STIL: variants seen among roughly 807,000 people sequenced by gnomAD.
The protein encoded by STIL is STIL centriolar assembly protein.
In STIL, 55 loss-of-function variants were observed where a neutral mutation model predicts 110.1. That is an observed-to-expected ratio of 0.50 (90% CI 0.40 to 0.63). The LOEUF is 0.63. Ranked by LOEUF, STIL falls within the 20% of genes least tolerant of loss-of-function variation. The pLI is 0.00. For synonymous variants in STIL, 481 were observed against 530.0 expected (o/e 0.91, Z 1.27); for missense variants, 1,358 against 1,530.0 (o/e 0.89, Z 1.87).
In STIL at chr1:47,266,025, C is replaced by T. The variant is rs148031644; in HGVS notation, c.2616-2909G>A. On this transcript the variant is annotated intron_variant, in intron 14 of 16. Coordinates refer to ENST00000371877, the MANE Select transcript of STIL (RefSeq NM_001048166.1). ...ACAAGCAATCGGTTCACTTTGGCCT[C>T]CCAAAGTGCTAAGATTACAGGCATG... is the stretch of plus-strand genomic sequence containing the variant. Among the ~76,000 whole-genome samples, 703 of 152,082 alleles carry T rather than the reference C, an allele frequency of 4.6e-3. 6 individuals are homozygous for T. Among genetic ancestry groups the T allele is most frequent in the African/African-American group, 0.016 (653 of 41,496 alleles).
chr1:47,307,692 A>G (rs1276994171), intron 2 of STIL, among the ~76,000 whole-genome samples: 1 of 152,260 alleles, frequency 6.6e-6, no homozygotes, highest in Admixed American at 6.5e-5. Flanking sequence ...GCAATTGTTC[A>G]GGGAATAAGA....
intron 1 of STIL, among the ~76,000 whole-genome samples, chr1:47,312,013 T>A (rs934165128): frequency 1.3e-5 from 2 of 152,104 alleles, no homozygotes; most frequent in African/African-American, 4.8e-5. Context: ...CCCACTGCAC[T>A]CCAGCCTGGG....
Position 47,287,733 on chromosome 1 carries a change from G to A in STIL, c.1024-73C>T, listed in dbSNP as rs12125261. The A allele has an allele frequency of 0.47, 565,194 of 1,207,550 alleles. 140,867 individuals carry two copies. The highest frequency in any genetic ancestry group is 0.5 in the Non-Finnish European group (413,182 of 822,738). The allele number at this position is 1,207,550 out of a possible 1,614,324, so 74.8% of individuals were successfully genotyped here. On this transcript the variant is annotated intron_variant, in intron 9 of 16. Transcript: ENST00000371877. ...CCAGAGAATTCTATTTAGATGAAAAGTAGCTCTGAAACACTAGATGATGGA... is the reference window on the plus strand; with the variant it reads ...CCAGAGAATTCTATTTAGATGAAAAATAGCTCTGAAACACTAGATGATGGA...
Position 47,280,904 on chromosome 1 carries a change from G to C in STIL, c.1554C>G (p.Thr518=), listed in dbSNP as rs976856348. 1 of 1,614,050 alleles carries C rather than the reference G, an allele frequency of 6.2e-7. No homozygotes were observed. Among genetic ancestry groups the C allele is most frequent in the African/African-American group, 1.3e-5 (1 of 74,922 alleles). Residue 518 remains threonine (T), a synonymous_variant, in exon 12 of 17, where the codon ACC becomes ACG. Coordinates refer to ENST00000371877, the MANE Select transcript of STIL (RefSeq NM_001048166.1). Reference sequence around the variant, plus strand: ...GAGAAGATGGTTTAATACTGTTCCTGGTATGGGGGTTCCCTTTCTTATAGG... The same window carrying C: ...GAGAAGATGGTTTAATACTGTTCCTCGTATGGGGGTTCCCTTTCTTATAGG... ...PPAYKKGNPH[T]RNSIKPSSHN...
At chr1:47,308,465 A>C (rs930648818) in intron 2 of STIL, among the ~76,000 whole-genome samples, 1 of 152,106 alleles carries the variant, frequency 6.6e-6, no homozygotes, top group African/African-American at 2.4e-5. Context: ...TTGCAACAAC[A>C]TGGTTAGAAC....
intron 9 of STIL, among the ~76,000 whole-genome samples, chr1:47,288,894 A>C (rs1645386723): frequency 1.1e-4 from 4 of 35,332 alleles, no homozygotes; most frequent in Admixed American, 1.0e-3. Context: ...TGAAAATACA[A>C]AAAAAAAAAA....
intron 16 of STIL, among the ~76,000 whole-genome samples, chr1:47,254,340 T>C (rs1424871899): frequency 3.3e-5 from 5 of 152,114 alleles, no homozygotes. Context: ...TTTAATAAGA[T>C]GAAAGAGATA....
At chr1:47,261,941 C>T (rs1570041836) in intron 15 of STIL, among the ~76,000 whole-genome samples, 1 of 151,884 alleles carries the variant, frequency 6.6e-6, no homozygotes, top group South Asian at 2.1e-4. Flanking sequence ...GAGTAATTCT[C>T]CAAGTATTTT....
rs577115130 is a variant in STIL at position 47,250,322 on chromosome 1, A to G, written c.*814T>C. On this transcript the variant is annotated 3_prime_UTR_variant, in exon 17 of 17. Transcript: ENST00000371877. ...CCATACTGCAAAAAGCTGTATCTCG[A>G]GTTTAATCAACATGCATCCTAATTA... The G allele has an allele frequency of 5.7e-6, 1 of 175,752 alleles. No individual in the cohort carries two copies. The highest frequency in any genetic ancestry group is 9.7e-5 in the East Asian group (1 of 10,306). 10.9% of individuals were successfully genotyped at this position (175,752 alleles called of 1,614,324 possible).
At chr1:47,312,286 C>T (rs535705354) in intron 1 of STIL, among the ~76,000 whole-genome samples, 2 of 152,072 alleles carry the variant, frequency 1.3e-5, no homozygotes, top group South Asian at 2.1e-4. Flanking sequence ...GTCAGGAGAT[C>T]GAGACCATCC....
At chr1:47,313,818 G>A (rs1646210813) in intron 1 of STIL, among the ~76,000 whole-genome samples, 1 of 152,186 alleles carries the variant, frequency 6.6e-6, no homozygotes, top group African/African-American at 2.4e-5. Context: ...TAAATGGCAC[G>A]TTATCGACTG....
At chr1:47,257,297 T>C (rs917084964) in intron 16 of STIL, among the ~76,000 whole-genome samples, 6 of 152,172 alleles carry the variant, frequency 3.9e-5, no homozygotes, top group Admixed American at 2.0e-4. Flanking sequence ...TAAATTTAAC[T>C]CTTATGTTGG....
chr1:47,293,500 G>A lies in STIL; in HGVS notation c.830C>T (p.Ala277Val). ...ITHIYSPQVW[A>V]CCLRYIFNSS... ...ATTGAATATGTATCGCAAACAGCAA[G>A]CCCATACCTGAGGACTATAGATATG... The change falls in exon 8 of 17, where the codon GCT becomes GTT. Residue 277 changes from alanine (A) to valine (V), a missense_variant. By Grantham distance (64) the Ala-to-Val change is moderately conservative. Coordinates refer to ENST00000371877, the MANE Select transcript of STIL (RefSeq NM_001048166.1). 1.9e-6 allele frequency: 3 copies of A among 1,613,318 alleles called. No individual in the cohort carries two copies. The highest frequency in any genetic ancestry group is 2.5e-6 in the Non-Finnish European group (3 of 1,179,556).
At chr1:47,276,002 C>CTTT (rs11481235) in intron 12 of STIL, among the ~76,000 whole-genome samples, 2 of 146,912 alleles carry the variant, frequency 1.4e-5, no homozygotes. Context: ...ATGACTCATA[C>CTTT]TTTTTTTTTT....
At chr1:47,268,610 T>C (rs1644724008) in intron 14 of STIL, among the ~76,000 whole-genome samples, 3 of 151,058 alleles carry the variant, frequency 2.0e-5, no homozygotes, top group African/African-American at 4.9e-5. Context: ...CAAACAAAAT[T>C]AGCCCAGCAT....
At chr1:47,296,448 G>A (rs1645644064) in intron 6 of STIL, among the ~76,000 whole-genome samples, 1 of 152,024 alleles carries the variant, frequency 6.6e-6, no homozygotes. Flanking sequence ...CAAGTTATAA[G>A]AATACAAAAA....
At chr1:47,283,309 T>C (rs1356312250) in intron 10 of STIL, 7 of 152,156 alleles carry the variant, frequency 4.6e-5, no homozygotes, top group Non-Finnish European at 8.8e-5. Context: ...TCTGAAGAGG[T>C]AGACCTTCAC....
chr1:47,308,300 C>G (rs1488527179), intron 2 of STIL, among the ~76,000 whole-genome samples: 1 of 151,776 alleles, frequency 6.6e-6, no homozygotes, highest in African/African-American at 2.4e-5. Context: ...CTCTTTTGTA[C>G]TCTGTCCTTT....
chr1:47,302,265 G>C lies in STIL; in HGVS notation c.234C>G (p.Cys78Trp). The C allele has an allele frequency of 6.2e-7, 1 of 1,613,898 alleles. No individual in the cohort carries two copies. Among genetic ancestry groups the C allele is most frequent in the South Asian group, 1.1e-5 (1 of 91,078 alleles). Residue 78 changes from cysteine (C) to tryptophan (W), a missense_variant, in exon 4 of 17, where the codon TGC becomes TGG. By Grantham distance (215) the Cys-to-Trp change is radical. Coordinates refer to ENST00000371877, the MANE Select transcript of STIL (RefSeq NM_001048166.1). ...HAKQNKKNSS[C>W]FLLGSLTADE... Reference sequence around the variant, plus strand: ...CTGCTGTCAGAGAACCAAGTAAAAAGCATGACGAATTTTTTTTATTCTGCT... The same window carrying C: ...CTGCTGTCAGAGAACCAAGTAAAAACCATGACGAATTTTTTTTATTCTGCT...
Sources: allele counts gnomAD v4.1 joint callset (sites outside exome capture counted in the v4.1 genomes callset), GRCh38; gene constraint gnomAD v4.1.1; transcripts MANE v1.5; gene names NCBI Gene and HGNC (gene_info 2026-07-23, HGNC 2026-07-21).